VKORC1L1: variants seen among roughly 807,000 people sequenced by gnomAD.
VKORC1L1 encodes vitamin K epoxide reductase complex subunit 1L1, also known as vitamin K epoxide reductase complex subunit 1-like protein 1.
Under a neutral mutation model 18.9 loss-of-function variants are expected in VKORC1L1, and 2 were observed. The observed-to-expected ratio is 0.11, with a 90% CI of 0.04 to 0.33. The LOEUF (loss-of-function observed/expected upper bound fraction) is 0.33, where lower values mean the gene tolerates loss of function less well. Ranked by LOEUF, VKORC1L1 falls within the 10% of genes least tolerant of loss-of-function variation. The pLI, the probability that VKORC1L1 is intolerant of heterozygous loss-of-function variation, is 1.00. For synonymous variants in VKORC1L1, 96 were observed against 100.0 expected (o/e 0.96, Z 0.24); for missense variants, 123 against 224.1 (o/e 0.55, Z 2.88).
intron 2 of VKORC1L1, among the ~76,000 whole-genome samples, chr7:65,950,569 T>C (rs1393994593): frequency 6.6e-6 from 1 of 152,154 alleles, no homozygotes; most frequent in East Asian, 1.9e-4. Context: ...TATGTATTTA[T>C]CTTGCAGAAG....
chr7:65,879,460 C>G lies in VKORC1L1; in HGVS notation c.194+5895C>G, dbSNP rs1788887441. On this transcript the variant is annotated intron_variant, in intron 1 of 2. Coordinates refer to ENST00000360768, the MANE Select transcript of VKORC1L1 (RefSeq NM_173517.6). ...TGCTTACTATGTGCTAGGCAGTGTTCTAAATGTTTTGCATACATTATTGAA... is the reference window on the plus strand; with the variant it reads ...TGCTTACTATGTGCTAGGCAGTGTTGTAAATGTTTTGCATACATTATTGAA... Among the ~76,000 whole-genome samples, 10 of 152,310 alleles carry G rather than the reference C, an allele frequency of 6.6e-5. No homozygotes were observed. The South Asian group carries it at 1.9e-3, about 28-fold the overall frequency.
chr7:65,954,255 C>T lies in VKORC1L1; in HGVS notation c.486C>T (p.Tyr162=), dbSNP rs755372560. ...TTATCAACTACAAACGACTAGTTTA[C>T]TTGAACGAGGCCTGGAAGCGGCAGC... is the stretch of plus-strand genomic sequence containing the variant. ...LLIINYKRLV[Y]LNEAWKRQLQ... is the part of the protein sequence containing the mutation. Residue 162 remains tyrosine (Y), a synonymous_variant, in exon 3 of 3, where the codon TAC becomes TAT. Coordinates refer to ENST00000360768, the MANE Select transcript of VKORC1L1 (RefSeq NM_173517.6). 14 of 1,614,064 alleles carry T rather than the reference C, an allele frequency of 8.7e-6. No homozygotes were observed. Among genetic ancestry groups the T allele is most frequent in the Non-Finnish European group, 1.2e-5 (14 of 1,180,048 alleles).
At chr7:65,917,251 C>T (rs1200149983) in intron 1 of VKORC1L1, among the ~76,000 whole-genome samples, 1 of 152,090 alleles carries the variant, frequency 6.6e-6, no homozygotes, top group Non-Finnish European at 1.5e-5. Flanking sequence ...CATCTCCACC[C>T]CTTCCCTCCA....
chr7:65,891,090 C>A (rs1215793143), intron 1 of VKORC1L1, among the ~76,000 whole-genome samples: 1 of 148,926 alleles, frequency 6.7e-6, no homozygotes, highest in East Asian at 2.0e-4. Flanking sequence ...GCTTCTTTTG[C>A]CCAGCATAAT....
chr7:65,895,371 C>T (rs1583830686), intron 1 of VKORC1L1, among the ~76,000 whole-genome samples: 1 of 145,502 alleles, frequency 6.9e-6, no homozygotes, highest in East Asian at 2.0e-4. Flanking sequence ...TGCCTATAAT[C>T]CAGCACTTTG....
Position 65,873,459 on chromosome 7 carries a change from T to A in VKORC1L1, c.88T>A (p.Ser30Thr), listed in dbSNP as rs1788766337. The change falls in exon 1 of 3, where the codon TCC becomes ACC. Residue 30 changes from serine to threonine, a missense_variant. Around this residue, in one of 4 missense-constraint regions of VKORC1L1, gnomAD observed 60 missense variants for 76.9 expected, o/e 0.78. Coordinates refer to ENST00000360768, the MANE Select transcript of VKORC1L1 (RefSeq NM_173517.6). ...YAVCAAGILL[S>T]IYAYHVEREK... ...AGTGTGCGCTGCCGGAATCCTGCTCTCCATCTACGCCTACCACGTGGAGCG... is the reference window on the plus strand; with the variant it reads ...AGTGTGCGCTGCCGGAATCCTGCTCACCATCTACGCCTACCACGTGGAGCG... The A allele has an allele frequency of 3.8e-6, 6 of 1,592,966 alleles. No individual in the cohort carries two copies. The highest frequency in any genetic ancestry group is 5.1e-6 in the Non-Finnish European group (6 of 1,171,454).
At chr7:65,948,098 T>TA (rs1359477404) in intron 1 of VKORC1L1, among the ~76,000 whole-genome samples, 1 of 152,212 alleles carries the variant, frequency 6.6e-6, no homozygotes, top group African/African-American at 2.4e-5. Flanking sequence ...TAGCACAACT[T>TA]ACATTCTATG....
At chr7:65,913,692 A>G (rs1445850040) in intron 1 of VKORC1L1, among the ~76,000 whole-genome samples, 3 of 130,366 alleles carry the variant, frequency 2.3e-5, no homozygotes, top group Non-Finnish European at 4.7e-5. Flanking sequence ...GGGCCACTGC[A>G]CTCCAGCCTG....
chr7:65,868,437 T>C (rs1330491557), upstream of VKORC1L1, among the ~76,000 whole-genome samples: 3 of 152,034 alleles, frequency 2.0e-5, no homozygotes, highest in Non-Finnish European at 4.4e-5. Context: ...AAACTAAAAA[T>C]AGAACTGCAA....
rs190681062 is a variant in VKORC1L1, at chr7:65,878,958, G to C, written c.194+5393G>C. ...GTCTAGGTAAGGCATTCGCTGCTTCGGATTTGAAAGATAACAAAGCATGTA... is the reference window on the plus strand; with the variant it reads ...GTCTAGGTAAGGCATTCGCTGCTTCCGATTTGAAAGATAACAAAGCATGTA... On this transcript the variant is annotated intron_variant, in intron 1 of 2. Transcript: ENST00000360768. Among the ~76,000 whole-genome samples the C allele has an allele frequency of 4.7e-4, 72 of 152,152 alleles. 1 individual carries two copies. Among genetic ancestry groups the C allele is most frequent in the African/African-American group, 1.7e-3 (72 of 41,522 alleles).
At chr7:65,953,980 C>A in intron 2 of VKORC1L1, 94 bp from the exon 3 acceptor site, 1 of 1,129,494 alleles carries the variant, frequency 8.9e-7, no homozygotes, top group Non-Finnish European at 1.3e-6. Context: ...AGTATTCAAA[C>A]ACTGCAGCAA....
intron 2 of VKORC1L1, among the ~76,000 whole-genome samples, chr7:65,953,729 G>T (rs1204654339): frequency 6.6e-6 from 1 of 152,186 alleles, no homozygotes; most frequent in Non-Finnish European, 1.5e-5. Context: ...AGCCAGGCGT[G>T]GTGGCACGTG....
At chr7:65,901,159 C>T (rs956553514) in intron 1 of VKORC1L1, among the ~76,000 whole-genome samples, 7 of 152,162 alleles carry the variant, frequency 4.6e-5, no homozygotes, top group Admixed American at 2.6e-4. Context: ...AAATTTTGTT[C>T]GGTGTTATAA....
intron 1 of VKORC1L1, among the ~76,000 whole-genome samples, 176 bp downstream of exon 1, chr7:65,873,741 G>C (rs1304746262): frequency 6.6e-6 from 1 of 150,956 alleles, no homozygotes; most frequent in Non-Finnish European, 1.5e-5. Context: ...CTCCTGCCCG[G>C]GGGGCGGCCT....
At chr7:65,906,835 T>G (rs2116407031) in intron 1 of VKORC1L1, among the ~76,000 whole-genome samples, 1 of 152,270 alleles carries the variant, frequency 6.6e-6, no homozygotes, top group South Asian at 2.1e-4. Context: ...CATTTGAGAT[T>G]TCATTTTGGG....
At chr7:65,937,169 C>T (rs1789957447) in intron 1 of VKORC1L1, among the ~76,000 whole-genome samples, 1 of 152,146 alleles carries the variant, frequency 6.6e-6, no homozygotes, top group Non-Finnish European at 1.5e-5. Flanking sequence ...CACCTTACCC[C>T]TTGGGCAATT....
At chr7:65,918,262 A>T (rs954680290) in intron 1 of VKORC1L1, among the ~76,000 whole-genome samples, 2 of 152,252 alleles carry the variant, frequency 1.3e-5, no homozygotes, top group African/African-American at 2.4e-5. Context: ...CATTGCCTGT[A>T]ACTCTTCAGG....
At chr7:65,892,327 C>T (rs545691543) in intron 1 of VKORC1L1, among the ~76,000 whole-genome samples, 2 of 152,260 alleles carry the variant, frequency 1.3e-5, no homozygotes, top group South Asian at 2.1e-4. Flanking sequence ...CTGGATCACA[C>T]GGTAGTTCTA....
intron 1 of VKORC1L1, among the ~76,000 whole-genome samples, chr7:65,877,182 T>G (rs1788843698): frequency 6.6e-6 from 1 of 152,210 alleles, no homozygotes. Flanking sequence ...TTTTTTCCAG[T>G]GTTTGATAAT....
Sources: allele counts gnomAD v4.1 joint callset (sites outside exome capture counted in the v4.1 genomes callset), GRCh38; gene constraint gnomAD v4.1.1; regional missense constraint gnomAD v4.1.1; transcripts MANE v1.5; gene names NCBI Gene and HGNC (gene_info 2026-07-23, HGNC 2026-07-21).